Variants in FHDC1 observed in about 807,000 individuals in gnomAD.
FHDC1 encodes the protein FH2 domain containing 1, also known as FH2 domain-containing protein 1.
FHDC1 carries 25 observed loss-of-function variants against 52.6 expected under a neutral mutation model. The ratio of observed to expected loss-of-function variants is 0.48; its 90% CI spans 0.35 to 0.66. The LOEUF (loss-of-function observed/expected upper bound fraction) is 0.66. Among genes scored for constraint, FHDC1 ranks in the 30% least tolerant of loss-of-function variants. The probability of loss-of-function intolerance (pLI) is 0.01; values close to 1 mark genes in which losing one functional copy is unlikely to be tolerated. For synonymous variants in FHDC1, 616 were observed against 581.5 expected, an observed-to-expected ratio of 1.06 and a Z score of -0.85; for missense variants, 1,459 against 1,452.8, an observed-to-expected ratio of 1.00 and a Z score of -0.07.
chr4:152,937,496 A>G (rs568383754), intron 1 of FHDC1, among the ~76,000 whole-genome samples: 7 of 150,266 alleles, frequency 4.7e-5, no homozygotes, highest in Admixed American at 4.0e-4. Context: ...CGGGGCCGAG[A>G]CCCCCTCCAA....
At chr4:152,967,509 T>C (rs192585329) in intron 9 of FHDC1, among the ~76,000 whole-genome samples, 5 of 152,354 alleles carry the variant, frequency 3.3e-5, no homozygotes, top group African/African-American at 1.2e-4. Context: ...ACCTGTGGAA[T>C]CTGCTATTTT....
At position 152,972,488 on chromosome 4, in the gene FHDC1, G is replaced by T. The variant is rs200862114; in HGVS notation, c.1330G>T (p.Glu444Ter). The T allele has an allele frequency of 2.5e-6, 4 of 1,613,950 alleles. No individual in the cohort carries two copies. The highest frequency in any genetic ancestry group is 3.4e-6 in the Non-Finnish European group (4 of 1,179,962). ...AGACAAAAAAACCATGAAACTGGAT[G>T]AATGCTTTCAGATATTTAGAGATTT... ...CEDKKTMKLD[E>*]CFQIFRDFCT... is the part of the protein sequence containing the mutation. The change falls in exon 11 of 12, where the codon GAA becomes TAA. Residue 444 changes from glutamate to a stop codon, truncating the protein, a stop_gained. Coordinates refer to ENST00000511601, the MANE Select transcript of FHDC1 (RefSeq NM_001371116.1). LOFTEE classifies it high-confidence loss of function.
chr4:152,923,614 T>C, the FHDC1 span, among the ~76,000 whole-genome samples: 1 of 151,794 alleles, frequency 6.6e-6, no homozygotes. Flanking sequence ...AACTATACTA[T>C]AAGGCTACAG....
the FHDC1 span, among the ~76,000 whole-genome samples, chr4:152,920,836 G>C: frequency 6.6e-6 from 1 of 150,894 alleles, no homozygotes; most frequent in Non-Finnish European, 1.5e-5. Context: ...GAATTCTTTA[G>C]TATATAAGTG....
chr4:152,938,461 A>G (rs1023739253), intron 1 of FHDC1, among the ~76,000 whole-genome samples: 1 of 152,142 alleles, frequency 6.6e-6, no homozygotes, highest in African/African-American at 2.4e-5. Context: ...TCTGTGTTTA[A>G]TAATCAAGAA....
At chr4:152,924,051 A>G in the FHDC1 span, among the ~76,000 whole-genome samples, 20 of 150,832 alleles carry the variant, frequency 1.3e-4, no homozygotes, top group African/African-American at 4.6e-4. Flanking sequence ...AAAAGAAACT[A>G]CCATCAGAGT....
chr4:152,959,068 A>C (rs1197490729), intron 4 of FHDC1, among the ~76,000 whole-genome samples: 5 of 152,242 alleles, frequency 3.3e-5, no homozygotes, highest in Admixed American at 1.3e-4. Flanking sequence ...CTATTTTGCA[A>C]GGAACTTAAA....
In FHDC1 at chr4:152,975,451, C is replaced by T; in HGVS notation, c.2160C>T (p.Ser720=). The T allele has an allele frequency of 6.2e-7, 1 of 1,613,374 alleles. No individual in the cohort carries two copies. The highest frequency in any genetic ancestry group is 8.5e-7 in the Non-Finnish European group (1 of 1,179,996). Residue 720 remains serine (S), a synonymous_variant, in exon 12 of 12, where the codon AGC becomes AGT. Coordinates refer to ENST00000511601, the MANE Select transcript of FHDC1 (RefSeq NM_001371116.1). ...GHRGPQSLSA[S]SSSLTPMGRD... ...GGGGCCCGCAGTCCCTCAGTGCCAG[C>T]AGCAGCAGCCTGACACCCATGGGCA...
chr4:152,961,237 T>C (rs997255885), intron 6 of FHDC1, among the ~76,000 whole-genome samples: 2 of 16,748 alleles, frequency 1.2e-4, no homozygotes, highest in Non-Finnish European at 4.6e-3. Context: ...CTCCTCCCTG[T>C]CGTGGCCTCT....
chr4:152,939,523 A>G (rs887336103), intron 1 of FHDC1, among the ~76,000 whole-genome samples: 1 of 152,202 alleles, frequency 6.6e-6, no homozygotes, highest in Non-Finnish European at 1.5e-5. Context: ...GGCCAGGGGC[A>G]GCTTTGAAGA....
chr4:152,956,755 C>G (rs569201457), intron 4 of FHDC1, among the ~76,000 whole-genome samples: 2 of 152,192 alleles, frequency 1.3e-5, no homozygotes, highest in African/African-American at 4.8e-5. Flanking sequence ...CCTCCTGCTG[C>G]GGGGTCATCC....
chr4:152,966,996 T>C (rs1373536187), intron 9 of FHDC1, among the ~76,000 whole-genome samples: 1 of 152,142 alleles, frequency 6.6e-6, no homozygotes, highest in East Asian at 1.9e-4. Flanking sequence ...GGCGCACACC[T>C]GTGATCCCAA....
At chr4:152,956,509 C>T (rs1459092134) in intron 4 of FHDC1, among the ~76,000 whole-genome samples, 1 of 152,018 alleles carries the variant, frequency 6.6e-6, no homozygotes, top group Admixed American at 6.5e-5. Context: ...GCTGTCAAAC[C>T]TCATATTTAA....
intron 10 of FHDC1, among the ~76,000 whole-genome samples, chr4:152,971,151 C>T (rs952131940): frequency 6.6e-6 from 1 of 152,068 alleles, no homozygotes; most frequent in Non-Finnish European, 1.5e-5. Context: ...GGGAGGATGG[C>T]GTGAGGCCTT....
In FHDC1 at chr4:152,974,661, T is replaced by C; in HGVS notation, c.1384-14T>C. 1 of 1,503,572 alleles carries C rather than the reference T, an allele frequency of 6.7e-7. No individual in the cohort carries two copies. The highest frequency in any genetic ancestry group is 1.4e-5 in the African/African-American group (1 of 71,550). The allele number at this position is 1,503,572 out of a possible 1,614,324, so 93.1% of individuals were successfully genotyped here. A position where few individuals can be genotyped will look rare whatever the true frequency, so the allele number is the denominator to read the frequency against. Reference sequence around the variant, plus strand: ...CATGTCTCATGCATCTTCGGGCTTCTCTCCATCCCTCAGGACAACCACGAC... The same window carrying C: ...CATGTCTCATGCATCTTCGGGCTTCCCTCCATCCCTCAGGACAACCACGAC... On this transcript the variant is annotated splice_polypyrimidine_tract_variant and intron_variant, in intron 11 of 11. Transcript: ENST00000511601.
intron 4 of FHDC1, among the ~76,000 whole-genome samples, chr4:152,957,929 A>G (rs10011789): frequency 0.47 from 72,047 of 151,788 alleles, 17,326 homozygotes; most frequent in South Asian, 0.65. Flanking sequence ...CACCCCCACC[A>G]CGCCTGACCA....
At chr4:152,971,704 A>G (rs10020165) in intron 10 of FHDC1, among the ~76,000 whole-genome samples, 90,542 of 152,136 alleles carry the variant, frequency 0.6, 30,846 homozygotes, top group Non-Finnish European at 0.77. Flanking sequence ...ATTGGGACCC[A>G]TCAGAATCTC....
chr4:152,938,926 C>A, intron 1 of FHDC1, among the ~76,000 whole-genome samples: 1 of 152,242 alleles, frequency 6.6e-6, no homozygotes, highest in East Asian at 1.9e-4. Flanking sequence ...ACCACTCATT[C>A]TGAGCACCAG....
chr4:152,953,494 TC>T lies in FHDC1; in HGVS notation c.499-3del, dbSNP rs965569443. 6.8e-6 allele frequency: 11 copies of T among 1,609,988 alleles called. No homozygotes were observed. Among genetic ancestry groups the T allele is most frequent in the Non-Finnish European group, 9.3e-6 (11 of 1,178,174 alleles). ...AATCCTATGTGTCCTTATTTTTTTT[TC>T]CAGATTACTATTTTGGATGCAAAAC... On this transcript the variant is annotated splice_polypyrimidine_tract_variant and splice_region_variant and intron_variant, in intron 2 of 11. Transcript: ENST00000511601.
Sources: gnomAD v4.1 joint callset for allele counts (sites outside exome capture counted in the v4.1 genomes callset) on GRCh38, gnomAD v4.1.1 for gene constraint, MANE v1.5 for transcripts, NCBI Gene and HGNC (gene_info 2026-07-23, HGNC 2026-07-21) for gene names.